The following ST3GAL4 variants were observed in gnomAD, a reference collection of about 807,000 sequenced individuals.
ST3GAL4 encodes ST3 beta-galactoside alpha-2,3-sialyltransferase 4.
Under a neutral mutation model 42.6 loss-of-function variants are expected in ST3GAL4, and 24 were observed. That is an observed-to-expected ratio of 0.56 (90% confidence interval 0.41 to 0.79). The LOEUF is 0.79. ST3GAL4 is among the 30% of genes least tolerant of loss of function. The probability of loss-of-function intolerance (pLI) is 0.00; values close to 1 mark genes in which losing one functional copy is unlikely to be tolerated. For missense variants in ST3GAL4, 311 were observed against 430.8 expected, an observed-to-expected ratio of 0.72 and a Z score of 2.46; for synonymous variants, 135 against 163.2, an observed-to-expected ratio of 0.83 and a Z score of 1.32.
intron 1 of ST3GAL4, among the ~76,000 whole-genome samples, chr11:126,358,214 C>T (rs1005973677): frequency 2.6e-5 from 4 of 152,240 alleles, no homozygotes; most frequent in Admixed American, 1.3e-4. Context: ...CGCACTGGGC[C>T]GGCTGGACGT....
rs1387200487 is a variant in ST3GAL4 at position 126,379,322 on chromosome 11, CT to C, written c.-61+23484del. On this transcript the variant is annotated intron_variant, in intron 1 of 10. Coordinates refer to ENST00000444328, the MANE Select transcript of ST3GAL4 (RefSeq NM_001254757.2). This position sits in a 1 kb window ranked among gnomAD's most constrained non-coding sequence, Gnocchi z 4.2. ...CCCTAACGAAAATAAAAGTGTGAAC[CT>C]TTTGTGCTAAAACAAAACAAAAACA... Among the ~76,000 whole-genome samples the C allele has an allele frequency of 3.9e-5, 6 of 152,056 alleles. No individual in the cohort carries two copies. Among genetic ancestry groups the C allele is most frequent in the African/African-American group, 1.2e-4 (5 of 41,394 alleles).
rs1453368234 is a variant in ST3GAL4 at position 126,378,944 on chromosome 11, G to T, written c.-61+23102G>T. On this transcript the variant is annotated intron_variant, in intron 1 of 10. Coordinates refer to ENST00000444328, the MANE Select transcript of ST3GAL4 (RefSeq NM_001254757.2). This position sits in a 1 kb window ranked among gnomAD's most constrained non-coding sequence, Gnocchi z 5.3. ...GAGTACAGAGGGATTCTGGAACACT[G>T]CCCAGATTTGGCCCAGTTCCATTCA... 6.6e-6 allele frequency among the ~76,000 whole-genome samples: 1 copy of T among 152,174 alleles called. No homozygotes were observed. The highest frequency in any genetic ancestry group is 1.9e-4 in the East Asian group (1 of 5,192).
chr11:126,391,481 G>A lies in ST3GAL4; in HGVS notation c.-60-14615G>A, dbSNP rs1194031815. Among the ~76,000 whole-genome samples the A allele has an allele frequency of 5.3e-5, 8 of 152,104 alleles. No individual in the cohort carries two copies. The highest frequency in any genetic ancestry group is 3.9e-4 in the East Asian group (2 of 5,192). On this transcript the variant is annotated intron_variant, in intron 1 of 10. Coordinates refer to ENST00000444328, the MANE Select transcript of ST3GAL4 (RefSeq NM_001254757.2). This position sits in a 1 kb window ranked among gnomAD's most constrained non-coding sequence, Gnocchi z 5.5. ...CTTGGGTGCTGACTTTAGGAGGTGC[G>A]GCTCTTGGAAAGACAGAGTGTGACT...
chr11:126,413,276 G>GTGGC, intron 9 of ST3GAL4: 1 of 461,130 alleles, frequency 2.2e-6, no homozygotes, highest in Non-Finnish European at 3.8e-6. Context: ...CCCAGCACAT[G>GTGGC]TGGCGATTTA....
rs1159272797 is a variant in ST3GAL4 at position 126,393,946 on chromosome 11, T to G, written c.-60-12150T>G. 3.3e-5 allele frequency among the ~76,000 whole-genome samples: 5 copies of G among 152,368 alleles called. No homozygotes were observed. The highest frequency in any genetic ancestry group is 3.9e-4 in the East Asian group (2 of 5,190). Reference sequence around the variant, plus strand: ...TGAAGGTGATATTTTATTCTTTTTTTGGGGTACTAAATCTTTGAAATCCGG... The same window carrying G: ...TGAAGGTGATATTTTATTCTTTTTTGGGGGTACTAAATCTTTGAAATCCGG... On this transcript the variant is annotated intron_variant, in intron 1 of 10. Transcript: ENST00000444328. This position sits in a 1 kb window ranked among gnomAD's most constrained non-coding sequence, Gnocchi z 5.9.
chr11:126,357,919 A>G (rs192066245), intron 1 of ST3GAL4, among the ~76,000 whole-genome samples: 1 of 152,340 alleles, frequency 6.6e-6, no homozygotes, highest in African/African-American at 2.4e-5. Context: ...GGATCCCTCT[A>G]TCTTGGACTA....
chr11:126,395,906 G>A (rs1012024456), intron 1 of ST3GAL4, among the ~76,000 whole-genome samples: 7 of 152,168 alleles, frequency 4.6e-5, no homozygotes, highest in African/African-American at 1.7e-4. Flanking sequence ...TGGCAAGGAG[G>A]GAGGAGGTGC....
intron 1 of ST3GAL4, among the ~76,000 whole-genome samples, chr11:126,399,301 CTTT>C (rs58479155): frequency 4.6e-5 from 4 of 87,734 alleles, no homozygotes; most frequent in East Asian, 4.2e-4. Flanking sequence ...TTCTTTCCTT[CTTT>C]TTTTTTTTTT....
Position 126,393,543 on chromosome 11 carries a change from C to T in ST3GAL4, c.-60-12553C>T, listed in dbSNP as rs777058105. On this transcript the variant is annotated intron_variant, in intron 1 of 10. Transcript: ENST00000444328. This position sits in a 1 kb window ranked among gnomAD's most constrained non-coding sequence, Gnocchi z 5.9. Reference sequence around the variant, plus strand: ...GCTTTGACTGCACATCAGAGTCAAACGAGTCAGAATAAGCGGGACCCCTCC... The same window carrying T: ...GCTTTGACTGCACATCAGAGTCAAATGAGTCAGAATAAGCGGGACCCCTCC... Among the ~76,000 whole-genome samples the T allele has an allele frequency of 6.6e-6, 1 of 152,122 alleles. No homozygotes were observed. Among genetic ancestry groups the T allele is most frequent in the African/African-American group, 2.4e-5 (1 of 41,414 alleles).
At chr11:126,372,149 G>A (rs990177160) in intron 1 of ST3GAL4, among the ~76,000 whole-genome samples, 3 of 152,126 alleles carry the variant, frequency 2.0e-5, no homozygotes, top group African/African-American at 7.2e-5. Context: ...CTACCATCCC[G>A]CCATCCAGCT....
rs1239262342 is a variant in ST3GAL4, at chr11:126,379,235, G to T, written c.-61+23393G>T. On this transcript the variant is annotated intron_variant, in intron 1 of 10. Transcript: ENST00000444328. The surrounding 1 kb of genome is among the most constrained non-coding windows in gnomAD (Gnocchi z 4.2). ...TAGCCACCAATTGCTTTGCTTAGTA[G>T]TGAGGATGGCTTCATGTTGAGCAGT... is the stretch of plus-strand genomic sequence containing the variant. Among the ~76,000 whole-genome samples the T allele has an allele frequency of 2.0e-5, 3 of 152,328 alleles. No individual in the cohort carries two copies. Among genetic ancestry groups the T allele is most frequent in the African/African-American group, 7.2e-5 (3 of 41,562 alleles).
chr11:126,405,998 G>C (rs1200871618), intron 1 of ST3GAL4, 98 bp from the exon 2 acceptor site: 1 of 1,411,824 alleles, frequency 7.1e-7, no homozygotes, highest in Non-Finnish European at 9.7e-7. Flanking sequence ...CCTGCTTTCT[G>C]GTGGAAGGGA....
chr11:126,381,904 C>T (rs1303414667), intron 1 of ST3GAL4, among the ~76,000 whole-genome samples: 4 of 151,290 alleles, frequency 2.6e-5, no homozygotes, highest in Non-Finnish European at 5.9e-5. Context: ...CTGACCACTC[C>T]TCTTGTGCTC....
At chr11:126,360,674 A>G (rs918043931) in intron 1 of ST3GAL4, among the ~76,000 whole-genome samples, 20 of 152,190 alleles carry the variant, frequency 1.3e-4, no homozygotes, top group African/African-American at 4.8e-4. Context: ...CGCCCACCTC[A>G]GCCTCCCAAA....
chr11:126,408,032 C>T (rs1236402112), intron 6 of ST3GAL4, 67 bp from the exon 7 acceptor site: 6 of 1,535,638 alleles, frequency 3.9e-6, no homozygotes, highest in East Asian at 4.6e-5. Context: ...TGGGCCCAGG[C>T]AGATCCAGGG....
At chr11:126,390,856 C>G (rs1004125712) in intron 1 of ST3GAL4, among the ~76,000 whole-genome samples, 1 of 109,586 alleles carries the variant, frequency 9.1e-6, no homozygotes, top group African/African-American at 3.7e-5. Context: ...TCCGCCTCCC[C>G]CCAGCCCTTG....
In ST3GAL4 at chr11:126,399,599, G is replaced by T. The variant is rs141182701; in HGVS notation, c.-60-6497G>T. Among the ~76,000 whole-genome samples the T allele has an allele frequency of 5.6e-3, 858 of 152,070 alleles. 6 individuals carry two copies. The highest frequency in any genetic ancestry group is 8.6e-3 in the Admixed American group (132 of 15,270). ...TAGGATTACAGACGTGAGCTACTGC[G>T]CCCAACCCTGCTTTTATTTATAAGT... is the stretch of plus-strand genomic sequence containing the variant. On this transcript the variant is annotated intron_variant, in intron 1 of 10. Coordinates refer to ENST00000444328, the MANE Select transcript of ST3GAL4 (RefSeq NM_001254757.2).
chr11:126,381,324 ATG>A (rs1393993894), intron 1 of ST3GAL4, among the ~76,000 whole-genome samples: 5 of 152,162 alleles, frequency 3.3e-5, no homozygotes, highest in Non-Finnish European at 7.4e-5. Flanking sequence ...ACCCTGCAGG[ATG>A]GAGAAAATGG....
chr11:126,400,712 G>T lies in ST3GAL4; in HGVS notation c.-60-5384G>T, dbSNP rs1467672571. Among the ~76,000 whole-genome samples the T allele has an allele frequency of 1.3e-5, 2 of 152,188 alleles. No individual in the cohort carries two copies. Among genetic ancestry groups the T allele is most frequent in the Non-Finnish European group, 2.9e-5 (2 of 68,044 alleles). ...GTTTCGAAGAAGGGGCATGAGTGAG[G>T]AAACAGTTGTGGTGAAGAGACCAGT... On this transcript the variant is annotated intron_variant, in intron 1 of 10. Transcript: ENST00000444328. This position sits in a 1 kb window ranked among gnomAD's most constrained non-coding sequence, Gnocchi z 4.6.
Sources: gnomAD v4.1 joint callset for allele counts (sites outside exome capture counted in the v4.1 genomes callset) on GRCh38, gnomAD v4.1.1 for gene constraint, Gnocchi (gnomAD v3.1) non-coding constraint, MANE v1.5 for transcripts, NCBI Gene and HGNC (gene_info 2026-07-23, HGNC 2026-07-21) for gene names.